Variants in ZP3 observed in about 807,000 individuals in gnomAD.
ZP3 encodes zona pellucida glycoprotein 3, also known as zona pellucida sperm-binding protein 3.
In ZP3, 21 loss-of-function variants were observed where a neutral mutation model predicts 35.6. The ratio of observed to expected loss-of-function variants is 0.59; its 90% confidence interval spans 0.42 to 0.85. The LOEUF is 0.85. Among genes scored for constraint, ZP3 ranks in the 40% least tolerant of loss-of-function variants. The pLI is 0.00. For synonymous variants in ZP3, 207 were observed against 214.5 expected (o/e 0.96, Z 0.31); for missense variants, 437 against 536.5 (o/e 0.81, Z 1.83).
At chr7:76,415,357 T>C (rs1271381096) in intron 1 of ZP3, among the ~76,000 whole-genome samples, 2 of 41,890 alleles carry the variant, frequency 4.8e-5, no homozygotes, top group African/African-American at 6.1e-4. Flanking sequence ...AGAGTGAGAC[T>C]CCGTCTCAAA....
Position 76,419,576 on chromosome 7 carries a change from G to T in ZP3, c.-66-5476G>T, listed in dbSNP as rs774431433. On this transcript the variant is annotated intron_variant, in intron 1 of 8. Transcript: ENST00000336517. ...ATAATATGTTTTTATATCTGTTAGG[G>T]TGTGTGTCTCATGATGTTCTTTTTC... Among the ~76,000 whole-genome samples, 5 of 152,008 alleles carry T rather than the reference G, an allele frequency of 3.3e-5. No homozygotes were observed. In the East Asian group the frequency reaches 7.7e-4, roughly 23 times the overall value.
At chr7:76,417,355 G>A (rs908118606) in intron 1 of ZP3, among the ~76,000 whole-genome samples, 6 of 151,880 alleles carry the variant, frequency 4.0e-5, no homozygotes, top group Admixed American at 2.0e-4. Flanking sequence ...CACCGTGCCC[G>A]GCCTCATATC....
intron 1 of ZP3, among the ~76,000 whole-genome samples, chr7:76,428,177 A>AT (rs1212414906): frequency 8.8e-5 from 13 of 148,262 alleles, no homozygotes; most frequent in African/African-American, 3.2e-4. Context: ...AAAAAAAAAA[A>AT]AAAGGCACGG....
At chr7:76,405,305 A>T (rs58721803) in intron 1 of ZP3, among the ~76,000 whole-genome samples, 1,279 of 44,940 alleles carry the variant, frequency 0.028, 81 homozygotes, top group African/African-American at 0.064. Context: ...ATATATATAT[A>T]TATATATATA....
At chr7:76,400,292 A>G in intron 1 of ZP3, 1 of 1,478,288 alleles carries the variant, frequency 6.8e-7, no homozygotes, top group East Asian at 2.5e-5. Flanking sequence ...TCACCATCAC[A>G]CAGGACAGCC....
At chr7:76,426,456 G>A (rs1445373023) in intron 1 of ZP3, among the ~76,000 whole-genome samples, 1 of 152,258 alleles carries the variant, frequency 6.6e-6, no homozygotes, top group Non-Finnish European at 1.5e-5. Flanking sequence ...ATGGGGGCAA[G>A]TCCAGCCCCT....
At chr7:76,427,997 C>T in intron 1 of ZP3, among the ~76,000 whole-genome samples, 1 of 151,944 alleles carries the variant, frequency 6.6e-6, no homozygotes. Context: ...TAAATAAGCT[C>T]CCTGAGATGA....
intron 1 of ZP3, chr7:76,400,289 C>T (rs762821758): frequency 6.8e-7 from 1 of 1,475,146 alleles, no homozygotes; most frequent in African/African-American, 1.4e-5. Context: ...CACTCACCAT[C>T]ACACAGGACA....
intron 5 of ZP3, among the ~76,000 whole-genome samples, chr7:76,435,595 G>A (rs761954986): frequency 1.3e-5 from 2 of 152,246 alleles, no homozygotes; most frequent in Non-Finnish European, 2.9e-5. Context: ...AATACTGATT[G>A]TAGAGAGTCT....
chr7:76,413,671 T>A (rs1273225407), intron 1 of ZP3, among the ~76,000 whole-genome samples: 3 of 152,130 alleles, frequency 2.0e-5, no homozygotes, highest in African/African-American at 7.2e-5. Flanking sequence ...TAATTTTATT[T>A]ATTCATTTAT....
At chr7:76,417,927 T>C (rs577010597) in intron 1 of ZP3, among the ~76,000 whole-genome samples, 1 of 145,604 alleles carries the variant, frequency 6.9e-6, no homozygotes. Flanking sequence ...AATAGTGCTT[T>C]CTTTCTTTCT....
At chr7:76,435,548 T>G (rs1424033893) in intron 5 of ZP3, among the ~76,000 whole-genome samples, 5 of 152,272 alleles carry the variant, frequency 3.3e-5, no homozygotes, top group African/African-American at 2.4e-5. Context: ...GGGTTTCCAG[T>G]GCTGGCTCTA....
intron 1 of ZP3, chr7:76,398,653 G>A: frequency 6.6e-7 from 1 of 1,510,642 alleles, no homozygotes; most frequent in South Asian, 1.1e-5. Context: ...TCTTCCCACT[G>A]CCTAGGGTAG....
intron 1 of ZP3, 37 bp from the exon 2 acceptor site, chr7:76,429,478 G>T (rs1268440046): frequency 6.2e-7 from 1 of 1,602,656 alleles, no homozygotes; most frequent in African/African-American, 1.3e-5. Context: ...CCGGGCAGGT[G>T]ATGGCCGGCA....
At chr7:76,435,621 T>C (rs1241612680) in intron 5 of ZP3, among the ~76,000 whole-genome samples, 1 of 152,272 alleles carries the variant, frequency 6.6e-6, no homozygotes, top group Non-Finnish European at 1.5e-5. Flanking sequence ...CTTCACTCTA[T>C]TGGGGTAGGG....
intron 2 of ZP3, among the ~76,000 whole-genome samples, chr7:76,432,534 T>G (rs1805862279): frequency 6.6e-6 from 1 of 152,100 alleles, no homozygotes; most frequent in Non-Finnish European, 1.5e-5. Context: ...CAGGCTGCTC[T>G]CAAACTCCTA....
intron 1 of ZP3, among the ~76,000 whole-genome samples, chr7:76,416,899 T>C (rs901244870): frequency 5.1e-5 from 7 of 136,702 alleles, no homozygotes; most frequent in African/African-American, 1.8e-4. Flanking sequence ...TATATACACA[T>C]ACATATGTAT....
chr7:76,400,006 A>T (rs990054150), intron 1 of ZP3, among the ~76,000 whole-genome samples: 17 of 152,150 alleles, frequency 1.1e-4, no homozygotes, highest in Admixed American at 9.8e-4. Context: ...TCTCTAAAAA[A>T]ATTTTTTTTA....
At chr7:76,439,919 C>A (rs1379409785) in intron 5 of ZP3, 8 of 279,980 alleles carry the variant, frequency 2.9e-5, no homozygotes, top group Non-Finnish European at 4.8e-5. Context: ...ATGATCTCGG[C>A]TCACTGCAAC....
Sources: allele counts gnomAD v4.1 joint callset (sites outside exome capture counted in the v4.1 genomes callset), GRCh38; gene constraint gnomAD v4.1.1; transcripts MANE v1.5; gene names NCBI Gene and HGNC (gene_info 2026-07-23, HGNC 2026-07-21).